Variants in SLF2 observed in about 807,000 individuals in gnomAD.
The protein encoded by SLF2 is SMC5/6 complex localization factor 2.
A neutral mutation model predicts 124.3 loss-of-function variants in SLF2; 68 were observed. The ratio of observed to expected loss-of-function variants is 0.55; its 90% CI spans 0.45 to 0.67. The LOEUF is 0.67. Among genes scored for constraint, SLF2 ranks in the 30% least tolerant of loss-of-function variants. The pLI is 0.00. For synonymous variants in SLF2, 480 were observed against 478.8 expected, an observed-to-expected ratio of 1.00 and a Z score of -0.03; for missense variants, 1,246 against 1,373.7, an observed-to-expected ratio of 0.91 and a Z score of 1.47.
chr10:100,948,407 G>C (rs1850146439), intron 15 of SLF2, among the ~76,000 whole-genome samples: 1 of 151,224 alleles, frequency 6.6e-6, no homozygotes, highest in Non-Finnish European at 1.5e-5. Context: ...GAGGCCAGAG[G>C]ATCCTTTGAA....
intron 17 of SLF2, among the ~76,000 whole-genome samples, chr10:100,955,629 T>C (rs928639819): frequency 2.0e-5 from 3 of 151,936 alleles, no homozygotes; most frequent in Non-Finnish European, 4.4e-5. Flanking sequence ...AAATATTGGC[T>C]GGGCGCGGTG....
At chr10:100,926,065 G>C in intron 6 of SLF2, 46 bp downstream of exon 6, 1 of 1,614,134 alleles carries the variant, frequency 6.2e-7, no homozygotes, top group Non-Finnish European at 8.5e-7. Flanking sequence ...CATTTTGCTT[G>C]TTTGTGTGGC....
intron 9 of SLF2, among the ~76,000 whole-genome samples, chr10:100,932,786 G>GT (rs1032753839): frequency 1.3e-5 from 2 of 151,938 alleles, no homozygotes; most frequent in Non-Finnish European, 2.9e-5. Context: ...TGAAGAAAAC[G>GT]TAGGGTAAGG....
chr10:100,928,045 C>CACACA (rs1478253739), intron 6 of SLF2, among the ~76,000 whole-genome samples: 3 of 13,280 alleles, frequency 2.3e-4, no homozygotes, highest in African/African-American at 3.2e-4. Context: ...CCCCCCCCCC[C>CACACA]CACACACACA....
rs1849603923 is a variant in SLF2, at chr10:100,925,976, A to G, written c.1999A>G (p.Asn667Asp). The G allele has an allele frequency of 1.2e-6, 2 of 1,608,248 alleles. No homozygotes were observed. Among genetic ancestry groups the G allele is most frequent in the South Asian group, 1.1e-5 (1 of 90,268 alleles). ...TGHVHPGTYT[N>D]TLERLVKEME... ...ACATGTTCATCCTGGAACTTACACA[A>G]ATACCTTAGAACGTCTAGTGAAGGA... is the stretch of plus-strand genomic sequence containing the variant. Residue 667 changes from asparagine to aspartate, a missense_variant, in exon 6 of 20, where the codon AAT (asparagine) becomes GAT (aspartate). Around this residue, in one of 3 missense-constraint regions of SLF2, gnomAD observed 535 missense variants for 632.8 expected, o/e 0.85. Transcript: ENST00000238961.
In SLF2 at chr10:100,929,898, T is replaced by C; in HGVS notation, c.2234T>C (p.Phe745Ser). The change falls in exon 8 of 20, where the codon TTT (phenylalanine) becomes TCT (serine). Residue 745 changes from phenylalanine to serine, a missense_variant. Physicochemically the swap from Phe to Ser is radical, Grantham distance 155. Around this residue, in one of 3 missense-constraint regions of SLF2, gnomAD observed 535 missense variants for 632.8 expected, o/e 0.85. Transcript: ENST00000238961. Reference sequence around the variant, plus strand: ...GATCATCATCCAGGTGAAGAAATATTTAATTTCCTCAATTCTGGAAAAATT... The same window carrying C: ...GATCATCATCCAGGTGAAGAAATATCTAATTTCCTCAATTCTGGAAAAATT... ...IPDHHPGEEI[F>S]NFLNSGKIFN... is the part of the protein sequence containing the mutation. 6.3e-7 allele frequency: 1 copy of C among 1,598,556 alleles called. No individual in the cohort carries two copies. The highest frequency in any genetic ancestry group is 8.5e-7 in the Non-Finnish European group (1 of 1,174,054).
At chr10:100,949,469 A>G (rs1340030627) in intron 15 of SLF2, among the ~76,000 whole-genome samples, 1 of 152,204 alleles carries the variant, frequency 6.6e-6, no homozygotes, top group African/African-American at 2.4e-5. Flanking sequence ...TTCTAACCAC[A>G]GAGTCAACTT....
chr10:100,931,991 CA>C (rs35095867), intron 9 of SLF2, among the ~76,000 whole-genome samples: 63,039 of 141,334 alleles, frequency 0.45, 14,777 homozygotes, highest in Middle Eastern at 0.62. Context: ...GACTCTGTCT[CA>C]AAAAAAAAAA....
chr10:100,956,138 G>A lies in SLF2; in HGVS notation c.3331-313G>A, dbSNP rs578081506. Among the ~76,000 whole-genome samples, 3 of 151,500 alleles carry A rather than the reference G, an allele frequency of 2.0e-5. No individual in the cohort carries two copies. In the East Asian group the frequency reaches 5.8e-4, roughly 29 times the overall value. On this transcript the variant is annotated intron_variant, in intron 17 of 19. Coordinates refer to ENST00000238961, the MANE Select transcript of SLF2 (RefSeq NM_018121.4). The stretch of plus-strand genomic sequence containing the variant: ...GTCTGAATATTTTGTTAGCGAGTAT[G>A]TTAAAGGAAGGACTCTTTAAATTTC...
intron 4 of SLF2, among the ~76,000 whole-genome samples, chr10:100,922,252 ATT>A (rs907758931): frequency 6.6e-6 from 1 of 151,982 alleles, no homozygotes; most frequent in Non-Finnish European, 1.5e-5. Context: ...TAATTTTTGT[ATT>A]TTTTGTAGAG....
intron 17 of SLF2, among the ~76,000 whole-genome samples, chr10:100,953,962 G>A (rs1375508828): frequency 6.6e-6 from 1 of 151,424 alleles, no homozygotes; most frequent in Non-Finnish European, 1.5e-5. Context: ...TCCTCTTTAA[G>A]ACATTAGCAC....
intron 3 of SLF2, among the ~76,000 whole-genome samples, chr10:100,918,022 G>C (rs1330099394): frequency 2.0e-5 from 3 of 152,228 alleles, no homozygotes; most frequent in Admixed American, 1.3e-4. Context: ...AGGAGATCAA[G>C]GTTGCAGTGA....
chr10:100,957,495 C>T (rs1245007654), intron 18 of SLF2, among the ~76,000 whole-genome samples: 5 of 151,118 alleles, frequency 3.3e-5, no homozygotes, highest in East Asian at 1.9e-4. Flanking sequence ...GGATTACAGG[C>T]GCCCGCTACC....
intron 8 of SLF2, among the ~76,000 whole-genome samples, chr10:100,930,468 C>T (rs924856182): frequency 6.6e-6 from 1 of 152,180 alleles, no homozygotes; most frequent in Non-Finnish European, 1.5e-5. Context: ...AATATGACCA[C>T]ACTTGGCCAC....
chr10:100,943,283 C>T (rs1025874168), intron 11 of SLF2, among the ~76,000 whole-genome samples: 4 of 152,150 alleles, frequency 2.6e-5, no homozygotes, highest in African/African-American at 7.2e-5. Context: ...TCTTATACCA[C>T]AGTGGGACAT....
At chr10:100,915,883 T>G in intron 1 of SLF2, 116 bp from the exon 2 acceptor site, 1 of 822,690 alleles carries the variant, frequency 1.2e-6, no homozygotes, top group Non-Finnish European at 2.0e-6. Flanking sequence ...GTCAGAACTT[T>G]ATTAAACCAA....
At chr10:100,945,284 A>C in intron 12 of SLF2, 46 bp from the exon 13 acceptor site, 1 of 1,455,386 alleles carries the variant, frequency 6.9e-7, no homozygotes, top group Non-Finnish European at 9.1e-7. Context: ...CTAAAAGTAA[A>C]ATATACCTCC....
intron 3 of SLF2, among the ~76,000 whole-genome samples, chr10:100,917,592 A>G (rs1429631879): frequency 6.6e-6 from 1 of 152,030 alleles, no homozygotes; most frequent in African/African-American, 2.4e-5. Context: ...TTACTTATTT[A>G]TGTGTAGACA....
chr10:100,920,527 T>C (rs71488076), intron 4 of SLF2, among the ~76,000 whole-genome samples: 27 of 152,346 alleles, frequency 1.8e-4, no homozygotes, highest in Non-Finnish European at 3.2e-4. Context: ...ATTATAGCAT[T>C]ATACTCTTAA....
Sources: allele counts gnomAD v4.1 joint callset (sites outside exome capture counted in the v4.1 genomes callset), GRCh38; gene constraint gnomAD v4.1.1; regional missense constraint gnomAD v4.1.1; transcripts MANE v1.5; gene names NCBI Gene and HGNC (gene_info 2026-07-23, HGNC 2026-07-21).